The following CPZ variants were observed in gnomAD, a reference collection of about 807,000 sequenced individuals.
CPZ encodes the protein VEZT/CPZ fusion.
In CPZ, 103 loss-of-function variants were observed where a neutral mutation model predicts 61.8. The ratio of observed to expected loss-of-function variants is 1.67; its 90% CI spans 1.42 to 1.96. The LOEUF (loss-of-function observed/expected upper bound fraction) is 1.96, where lower values mean the gene tolerates loss of function less well. CPZ is among the 30% of genes most tolerant of loss of function. The pLI, the probability that CPZ is intolerant of heterozygous loss-of-function variation, is 0.00. For synonymous variants in CPZ, 551 were observed against 373.7 expected (o/e 1.47, Z -5.47); for missense variants, 1,461 against 914.9 (o/e 1.60, Z -7.70).
At chr4:8,614,572 G>A in intron 9 of CPZ, 74 bp downstream of exon 9, 1 of 1,532,718 alleles carries the variant, frequency 6.5e-7, no homozygotes, top group Non-Finnish European at 8.8e-7. Flanking sequence ...GGCCCCCAGG[G>A]CAGCCCCCGT....
rs1042187167 is a variant in CPZ, at chr4:8,593,038, C to T, written c.88+117C>T. 4 of 787,668 alleles carry T rather than the reference C, an allele frequency of 5.1e-6. No individual in the cohort carries two copies. The Admixed American group carries it at 8.9e-5, about 18-fold the overall frequency. The allele number at this position is 787,668 out of a possible 1,614,324, so 48.8% of individuals were successfully genotyped here. Reference sequence around the variant, plus strand: ...TTCCAGTAGGTCACGCGCCTATGGTCCTGGCGAGAACGTCTCCAAAGTGGG... The same window carrying T: ...TTCCAGTAGGTCACGCGCCTATGGTTCTGGCGAGAACGTCTCCAAAGTGGG... On this transcript the variant is annotated intron_variant, in intron 1 of 10. Coordinates refer to ENST00000360986, the MANE Select transcript of CPZ (RefSeq NM_001014447.3).
intron 8 of CPZ, among the ~76,000 whole-genome samples, chr4:8,613,062 C>T (rs945376442): frequency 1.3e-5 from 2 of 152,264 alleles, no homozygotes; most frequent in East Asian, 1.9e-4. Context: ...CCTCAGCCCC[C>T]GTCATAGCCC....
At chr4:8,614,290 C>T (rs1715969691) in intron 8 of CPZ, 69 bp from the exon 9 acceptor site, 3 of 1,508,984 alleles carry the variant, frequency 2.0e-6, no homozygotes, top group Non-Finnish European at 1.8e-6. Context: ...GTGCGGCTGA[C>T]ACCCCTGACG....
At chr4:8,613,427 G>A (rs1267869669) in intron 8 of CPZ, among the ~76,000 whole-genome samples, 1 of 152,226 alleles carries the variant, frequency 6.6e-6, no homozygotes, top group Non-Finnish European at 1.5e-5. Context: ...ACTGCACCTG[G>A]CCTCTGTCCC....
chr4:8,617,880 T>C (rs1290411148), intron 9 of CPZ, among the ~76,000 whole-genome samples: 1 of 152,124 alleles, frequency 6.6e-6, no homozygotes, highest in Non-Finnish European at 1.5e-5. Context: ...ACGTTGGAGC[T>C]GTGGGCGTGC....
chr4:8,618,267 A>T, intron 9 of CPZ, 162 bp from the exon 10 acceptor site: 1 of 629,544 alleles, frequency 1.6e-6, no homozygotes, highest in South Asian at 1.9e-5. Context: ...GGAGTGACTG[A>T]CTCGTTAAAG....
chr4:8,611,109 C>T (rs536584180), intron 7 of CPZ: 27 of 419,228 alleles, frequency 6.4e-5, no homozygotes, highest in African/African-American at 4.2e-4. Flanking sequence ...CTCACTCACT[C>T]ACTGGGCCCT....
chr4:8,600,787 G>A (rs1407143195), intron 2 of CPZ, among the ~76,000 whole-genome samples: 1 of 152,242 alleles, frequency 6.6e-6, no homozygotes, highest in Non-Finnish European at 1.5e-5. Context: ...TGGGTGGTCT[G>A]TGCCTGTCCC....
chr4:8,618,243 G>A (rs1716367269), intron 9 of CPZ, 186 bp from the exon 10 acceptor site: 2 of 602,098 alleles, frequency 3.3e-6, no homozygotes, highest in Non-Finnish European at 3.0e-6. Context: ...GGAGGAAACT[G>A]AGGCCCAGAG....
chr4:8,616,437 G>T (rs1716169869), intron 9 of CPZ, among the ~76,000 whole-genome samples: 1 of 152,168 alleles, frequency 6.6e-6, no homozygotes, highest in African/African-American at 2.4e-5. Flanking sequence ...GACCCTCCTG[G>T]GAGAGCCCCT....
intron 10 of CPZ, 21 bp from the exon 11 acceptor site, chr4:8,619,241 T>C: frequency 6.3e-7 from 1 of 1,583,170 alleles, no homozygotes; most frequent in Non-Finnish European, 8.6e-7. Flanking sequence ...TGAGAATCAT[T>C]TTTAATCTAT....
rs753969942 is a variant in CPZ, at chr4:8,601,317, G to GC, written c.322dup (p.Arg108ProfsTer3). On this transcript the variant is annotated frameshift_variant, in exon 3 of 11. Coordinates refer to ENST00000360986, the MANE Select transcript of CPZ (RefSeq NM_001014447.3). LOFTEE classifies it high-confidence loss of function. ...GCGGCTGCTGGGCTGTGCTGTGCTG[G>GC]CCCCCCGGTGTGAGGGCGGCTGGGT... is the stretch of plus-strand genomic sequence containing the variant. 33 of 1,609,936 alleles carry GC rather than the reference G, an allele frequency of 2.0e-5. No homozygotes were observed. The highest frequency in any genetic ancestry group is 2.7e-5 in the Non-Finnish European group (32 of 1,177,440).
intron 2 of CPZ, chr4:8,599,773 C>T (rs1169340384): frequency 5.5e-6 from 3 of 547,680 alleles, no homozygotes; most frequent in African/African-American, 2.0e-5. Flanking sequence ...GTCACACGTC[C>T]TGCATTTGGG....
At chr4:8,605,894 G>C in intron 4 of CPZ, 95 bp from the exon 5 acceptor site, 1 of 1,243,542 alleles carries the variant, frequency 8.0e-7, no homozygotes, top group Non-Finnish European at 1.1e-6. Context: ...ATTGGTCCCA[G>C]CCCATCTGGT....
At chr4:8,606,367 A>C (rs1370917530) in intron 5 of CPZ, among the ~76,000 whole-genome samples, 182 bp downstream of exon 5, 1 of 152,210 alleles carries the variant, frequency 6.6e-6, no homozygotes, top group Non-Finnish European at 1.5e-5. Context: ...GGCACTGAGA[A>C]TTCTAGGTGA....
chr4:8,615,912 G>C (rs1010934161), intron 9 of CPZ, among the ~76,000 whole-genome samples: 1 of 152,236 alleles, frequency 6.6e-6, no homozygotes, highest in Non-Finnish European at 1.5e-5. Context: ...TCTGCCATTT[G>C]AGTTTCTTTC....
chr4:8,602,057 C>T (rs1714619662), intron 3 of CPZ: 1 of 152,498 alleles, frequency 6.6e-6, no homozygotes, highest in South Asian at 2.1e-4. Context: ...GCCCTGTGGG[C>T]TCAAGGAGGG....
At chr4:8,597,903 G>A (rs1260479600) in intron 1 of CPZ, among the ~76,000 whole-genome samples, 2 of 152,184 alleles carry the variant, frequency 1.3e-5, no homozygotes, top group African/African-American at 4.8e-5. Context: ...CACTTGCCCG[G>A]GGCCCCCGGC....
intron 5 of CPZ, 125 bp from the exon 6 acceptor site, chr4:8,606,612 A>C (rs1181699358): frequency 1.6e-6 from 2 of 1,245,320 alleles, no homozygotes; most frequent in Non-Finnish European, 2.3e-6. Flanking sequence ...CCCCGAGCTC[A>C]TCACATAAAG....
Sources: allele counts gnomAD v4.1 joint callset (sites outside exome capture counted in the v4.1 genomes callset), GRCh38; gene constraint gnomAD v4.1.1; transcripts MANE v1.5; gene names NCBI Gene and HGNC (gene_info 2026-07-23, HGNC 2026-07-21).